Variants in RAD54B observed in about 807,000 individuals in gnomAD.
RAD54B encodes RAD54 homolog B.
A neutral mutation model predicts 95.8 loss-of-function variants in RAD54B; 78 were observed. The ratio of observed to expected loss-of-function variants is 0.81; its 90% CI spans 0.68 to 0.98. The LOEUF (loss-of-function observed/expected upper bound fraction) is 0.98. Among genes scored for constraint, RAD54B ranks in the 50% least tolerant of loss-of-function variants. RAD54B has a pLI of 0.00. For missense variants in RAD54B, 957 were observed against 1,056.6 expected (o/e 0.91, Z 1.31); for synonymous variants, 328 against 354.9 (o/e 0.92, Z 0.85).
intron 3 of RAD54B, chr8:94,430,643 A>G: frequency 3.1e-6 from 2 of 651,376 alleles, no homozygotes; most frequent in Non-Finnish European, 3.8e-6. Context: ...GGTCTACTCC[A>G]AAGGCCACAA....
chr8:94,374,019 C>T (rs71532312), intron 14 of RAD54B, among the ~76,000 whole-genome samples: 5,922 of 152,186 alleles, frequency 0.039, 188 homozygotes, highest in Non-Finnish European at 0.061. Context: ...GTGGCTCACG[C>T]CTGTAATCCC....
chr8:94,465,328 C>T (rs1451191505), intron 2 of RAD54B, among the ~76,000 whole-genome samples: 1 of 152,070 alleles, frequency 6.6e-6, no homozygotes, highest in Middle Eastern at 3.4e-3. Context: ...AAAAAAGACA[C>T]CATTAAAAAC....
At position 94,419,500 on chromosome 8, in the gene RAD54B, C is replaced by G. The variant is rs1811752163; in HGVS notation, c.305-8185G>C. On this transcript the variant is annotated intron_variant, in intron 3 of 14. Coordinates refer to ENST00000336148, the MANE Select transcript of RAD54B (RefSeq NM_012415.3). ...TCTAGCCTGGGCAACAAGAGCGAAA[C>G]TCCGTCTCAAAAAAATAAATAAATA... 2.6e-5 allele frequency among the ~76,000 whole-genome samples: 4 copies of G among 151,884 alleles called. No homozygotes were observed. The South Asian group carries it at 8.3e-4, about 32-fold the overall frequency.
At chr8:94,450,225 C>G (rs560091910) in intron 3 of RAD54B, among the ~76,000 whole-genome samples, 2 of 152,268 alleles carry the variant, frequency 1.3e-5, no homozygotes, top group South Asian at 4.1e-4. Context: ...AAGTAAGAGC[C>G]ACTAGAAAAG....
intron 11 of RAD54B, 42 bp downstream of exon 11, chr8:94,386,942 A>C (rs748142609): frequency 7.2e-7 from 1 of 1,397,692 alleles, no homozygotes; most frequent in Non-Finnish European, 9.5e-7. Flanking sequence ...AGTGCAAACT[A>C]AAACTCTATG....
At position 94,454,262 on chromosome 8, in the gene RAD54B, G is replaced by T. The variant is rs914170099; in HGVS notation, c.304+4006C>A. On this transcript the variant is annotated intron_variant, in intron 3 of 14. Transcript: ENST00000336148. Reference sequence around the variant, plus strand: ...GAAAGCAAATTAGTGGTTGCCAGGGGCTGGAAAGAGAGGAGAGAAAGAGAG... The same window carrying T: ...GAAAGCAAATTAGTGGTTGCCAGGGTCTGGAAAGAGAGGAGAGAAAGAGAG... Among the ~76,000 whole-genome samples the T allele has an allele frequency of 3.3e-5, 5 of 152,170 alleles. No homozygotes were observed. The East Asian group carries it at 9.6e-4, about 29-fold the overall frequency.
At chr8:94,449,730 G>A (rs772341279) in intron 3 of RAD54B, among the ~76,000 whole-genome samples, 1 of 152,088 alleles carries the variant, frequency 6.6e-6, no homozygotes, top group African/African-American at 2.4e-5. Flanking sequence ...GGATGATTTG[G>A]AAGGATGCAT....
At chr8:94,389,352 TCAAA>T (rs1211227747) in intron 10 of RAD54B, among the ~76,000 whole-genome samples, 6 of 152,226 alleles carry the variant, frequency 3.9e-5, no homozygotes, top group Admixed American at 3.3e-4. Context: ...GGTCCTACTC[TCAAA>T]CAAACTCTGA....
At chr8:94,374,698 A>G (rs1327065938) in intron 14 of RAD54B, among the ~76,000 whole-genome samples, 1 of 152,188 alleles carries the variant, frequency 6.6e-6, no homozygotes, top group East Asian at 1.9e-4. Flanking sequence ...AATAAAATAG[A>G]GAAACCATAA....
chr8:94,380,219 C>T lies in RAD54B; in HGVS notation c.2173G>A (p.Val725Ile). 2 of 1,613,690 alleles carry T rather than the reference C, an allele frequency of 1.2e-6. No individual in the cohort carries two copies. Among genetic ancestry groups the T allele is most frequent in the East Asian group, 2.2e-5 (1 of 44,858 alleles). ...GATCCTCCAATGAGGTTAAGTCCTA[C>T]ACCACCAGCTTTTGAACTTAACAAA... Reference protein sequence around the residue: ...IFLLSSKAGGVGLNLIGGSHL... With the variant: ...IFLLSSKAGGIGLNLIGGSHL... The change falls in exon 12 of 15, where the codon GTA (valine) becomes ATA (isoleucine). Residue 725 changes from valine to isoleucine, a missense_variant. Physicochemically the swap from Val to Ile is conservative, Grantham distance 29 (BLOSUM62 3). Transcript: ENST00000336148.
At chr8:94,431,928 C>T (rs1167034157) in intron 3 of RAD54B, 3 of 1,225,502 alleles carry the variant, frequency 2.4e-6, no homozygotes, top group South Asian at 5.8e-5. Context: ...AAAAAGAAGA[C>T]AATAAAAACT....
chr8:94,453,358 GTC>G (rs1812710241), intron 3 of RAD54B, among the ~76,000 whole-genome samples: 1 of 151,966 alleles, frequency 6.6e-6, no homozygotes, highest in South Asian at 2.1e-4. Context: ...GTGAACCCCT[GTC>G]TCTACTAAAA....
intron 1 of RAD54B, among the ~76,000 whole-genome samples, chr8:94,470,974 T>C (rs1230993965): frequency 1.3e-5 from 2 of 152,180 alleles, no homozygotes; most frequent in East Asian, 1.9e-4. Flanking sequence ...CTTTCCCTTA[T>C]ATAATGTTGG....
chr8:94,374,827 A>C (rs1251753685), intron 14 of RAD54B, among the ~76,000 whole-genome samples: 5 of 152,218 alleles, frequency 3.3e-5, no homozygotes, highest in East Asian at 3.8e-4. Context: ...TGAATAATAG[A>C]TATATCTAAC....
chr8:94,425,579 A>G (rs1811922506), intron 3 of RAD54B, among the ~76,000 whole-genome samples: 2 of 152,358 alleles, frequency 1.3e-5, no homozygotes, highest in Admixed American at 6.5e-5. Context: ...ACTAAAAAGC[A>G]TACAAACATT....
intron 3 of RAD54B, among the ~76,000 whole-genome samples, chr8:94,439,029 C>T (rs1253983524): frequency 6.6e-6 from 1 of 152,008 alleles, no homozygotes; most frequent in African/African-American, 2.4e-5. Context: ...GAGGTTGAGG[C>T]TGCACTAAGC....
chr8:94,458,283 C>T lies in RAD54B; in HGVS notation c.289G>A (p.Asp97Asn). 1 of 1,605,366 alleles carries T rather than the reference C, an allele frequency of 6.2e-7. No individual in the cohort carries two copies. The highest frequency in any genetic ancestry group is 8.5e-7 in the Non-Finnish European group (1 of 1,177,224). ...CFEAPTLATLDPPHTVHSAPK... is the reference protein window; with the variant it reads ...CFEAPTLATLNPPHTVHSAPK... ...GCAGTCTTACCTGTATGAGGTGGATCTAATGTTGCCAGTGTAGGTGCTTCA... is the reference window on the plus strand; with the variant it reads ...GCAGTCTTACCTGTATGAGGTGGATTTAATGTTGCCAGTGTAGGTGCTTCA... The change falls in exon 3 of 15, where the codon GAT becomes AAT. Residue 97 changes from aspartate to asparagine, a missense_variant. Physicochemically the swap from Asp to Asn is conservative, Grantham distance 23 (BLOSUM62 1). Coordinates refer to ENST00000336148, the MANE Select transcript of RAD54B (RefSeq NM_012415.3).
intron 3 of RAD54B, among the ~76,000 whole-genome samples, chr8:94,451,847 T>A (rs1014352739): frequency 1.3e-5 from 2 of 151,258 alleles, no homozygotes; most frequent in African/African-American, 4.9e-5. Context: ...ATACAACACA[T>A]ATCCTGGTCC....
intron 5 of RAD54B, 25 bp from the exon 6 acceptor site, chr8:94,404,264 T>C (rs1475964989): frequency 3.3e-6 from 5 of 1,536,768 alleles, no homozygotes; most frequent in Non-Finnish European, 4.4e-6. Context: ...AAAGTACAAG[T>C]ATTGTAATTT....
Sources: allele counts gnomAD v4.1 joint callset (sites outside exome capture counted in the v4.1 genomes callset), GRCh38; gene constraint gnomAD v4.1.1; transcripts MANE v1.5; gene names NCBI Gene and HGNC (gene_info 2026-07-23, HGNC 2026-07-21).